The following VPS45 variants were observed in gnomAD, a reference collection of about 807,000 sequenced individuals.
VPS45 encodes vacuolar protein sorting 45 homolog, also known as vacuolar protein sorting-associated protein 45.
VPS45 carries 35 observed loss-of-function variants against 75.9 expected under a neutral mutation model. The observed-to-expected ratio is 0.46, with a 90% CI of 0.35 to 0.61. The LOEUF (loss-of-function observed/expected upper bound fraction) is 0.61, where lower values mean the gene tolerates loss of function less well. VPS45 is among the 20% of genes least tolerant of loss of function. The pLI, the probability that VPS45 is intolerant of heterozygous loss-of-function variation, is 0.00. For missense variants in VPS45, 559 were observed against 685.9 expected (o/e 0.81, Z 2.07); for synonymous variants, 220 against 238.2 (o/e 0.92, Z 0.70).
chr1:150,124,003 A>G (rs148875861), intron 14 of VPS45, among the ~76,000 whole-genome samples: 19 of 152,304 alleles, frequency 1.2e-4, no homozygotes, highest in African/African-American at 4.1e-4. Context: ...ATTCTTTGTC[A>G]TAGTACTAGA....
intron 2 of VPS45, among the ~76,000 whole-genome samples, chr1:150,069,129 T>C (rs1654885949): frequency 6.6e-6 from 1 of 152,218 alleles, no homozygotes; most frequent in Non-Finnish European, 1.5e-5. Flanking sequence ...TGCCACTTTA[T>C]TCACATTTAT....
intron 14 of VPS45, among the ~76,000 whole-genome samples, chr1:150,117,786 G>A (rs1329006190): frequency 6.6e-6 from 1 of 151,946 alleles, no homozygotes. Context: ...TTGAGTCCGG[G>A]AGGCGGAGGC....
chr1:150,122,564 C>A (rs1432457305), intron 14 of VPS45, among the ~76,000 whole-genome samples: 2 of 151,754 alleles, frequency 1.3e-5, no homozygotes, highest in African/African-American at 2.4e-5. Context: ...AGTTAGAGAG[C>A]ACTTTTGGGT....
At chr1:150,091,195 A>G (rs1656307074) in intron 10 of VPS45, among the ~76,000 whole-genome samples, 1 of 152,242 alleles carries the variant, frequency 6.6e-6, no homozygotes, top group African/African-American at 2.4e-5. Context: ...CACTGGGGAC[A>G]GGAATTGTCT....
At chr1:150,081,221 C>G in intron 7 of VPS45, 121 bp from the exon 8 acceptor site, 1 of 992,458 alleles carries the variant, frequency 1.0e-6, no homozygotes, top group Non-Finnish European at 1.4e-6. Context: ...AAATTTAACT[C>G]GAGAATCTTC....
rs74127430 is a variant in VPS45 at position 150,091,811 on chromosome 1, A to G, written c.1105-126A>G. On this transcript the variant is annotated intron_variant, in intron 10 of 14. Coordinates refer to ENST00000644510, the MANE Select transcript of VPS45 (RefSeq NM_007259.5). ...TTTCTATAGTTGAGACAGTTGCTAA[A>G]TGTATGACTTATAATTGTCATAGTA... The G allele has an allele frequency of 6.3e-3, 5,076 of 800,352 alleles. 159 individuals are homozygous for G. In the African/African-American group the frequency reaches 0.075, roughly 12 times the overall value. 49.6% of individuals were successfully genotyped at this position (800,352 alleles called of 1,614,324 possible).
chr1:150,083,392 G>A (rs587747054), intron 10 of VPS45: 1 of 152,314 alleles, frequency 6.6e-6, no homozygotes, highest in Admixed American at 6.5e-5. Context: ...CTACTGCTGT[G>A]AGGATCTGAA....
intron 14 of VPS45, among the ~76,000 whole-genome samples, chr1:150,128,685 T>G (rs1190820788): frequency 6.6e-6 from 1 of 152,134 alleles, no homozygotes; most frequent in Non-Finnish European, 1.5e-5. Context: ...AGGGGACTTC[T>G]CTTCACTACG....
At position 150,110,565 on chromosome 1, in the gene VPS45, G is replaced by A; in HGVS notation, c.1563G>A (p.Leu521=). Reference sequence around the variant, plus strand: ...AAGAGGCTCTAACAGTTTATAACCTGAACCGCACCACTCCTGGAGTGAGGA... The same window carrying A: ...AAGAGGCTCTAACAGTTTATAACCTAAACCGCACCACTCCTGGAGTGAGGA... ...TYEEALTVYN[L]NRTTPGVRIV... is the part of the protein sequence containing the mutation. Residue 521 remains leucine, a synonymous_variant, in exon 14 of 15, where the codon CTG becomes CTA. Coordinates refer to ENST00000644510, the MANE Select transcript of VPS45 (RefSeq NM_007259.5). 6.2e-7 allele frequency: 1 copy of A among 1,613,832 alleles called. No homozygotes were observed. Among genetic ancestry groups the A allele is most frequent in the Non-Finnish European group, 8.5e-7 (1 of 1,179,868 alleles).
chr1:150,145,209 TGAAAACC>T lies in VPS45; in HGVS notation c.*414_*420del. On this transcript the variant is annotated 3_prime_UTR_variant, in exon 15 of 15. Coordinates refer to ENST00000644510, the MANE Select transcript of VPS45 (RefSeq NM_007259.5). ...ACCACATTCCTGCACAACTCATTTC[TGAAAACC>T]TACCATGTTTCTTTACAGAGCCATC... is the stretch of plus-strand genomic sequence containing the variant. 3.7e-6 allele frequency: 1 copy of T among 267,578 alleles called. No individual in the cohort carries two copies. The highest frequency in any genetic ancestry group is 7.1e-6 in the Non-Finnish European group (1 of 140,968). 16.6% of individuals were successfully genotyped at this position (267,578 alleles called of 1,614,324 possible). A position where few individuals can be genotyped will look rare whatever the true frequency, so the allele number is the denominator to read the frequency against.
intron 13 of VPS45, among the ~76,000 whole-genome samples, chr1:150,096,051 T>C (rs182641036): frequency 8.5e-5 from 13 of 152,192 alleles, no homozygotes; most frequent in Non-Finnish European, 1.6e-4. Context: ...TCATATTTAA[T>C]GGCACAGATT....
chr1:150,118,654 C>A (rs1414576794), intron 14 of VPS45, among the ~76,000 whole-genome samples: 2 of 152,178 alleles, frequency 1.3e-5, no homozygotes, highest in African/African-American at 4.8e-5. Flanking sequence ...GATCCACCTG[C>A]CTTGGCCTCC....
intron 8 of VPS45, 78 bp from the exon 9 acceptor site, chr1:150,081,806 A>C: frequency 2.1e-6 from 2 of 936,688 alleles, no homozygotes; most frequent in South Asian, 3.2e-5. Flanking sequence ...CTGTGTTCCA[A>C]ATTCTTTTTC....
At position 150,089,510 on chromosome 1, in the gene VPS45, G is replaced by C. The variant is rs138449601; in HGVS notation, c.1105-2427G>C. On this transcript the variant is annotated intron_variant, in intron 10 of 14. Transcript: ENST00000644510. The stretch of plus-strand genomic sequence containing the variant: ...TGAGTAGCTGAGACTACAGGCACCC[G>C]CCACTACATCCTGCTAATTTTTTGT... Among the ~76,000 whole-genome samples, 831 of 151,966 alleles carry C rather than the reference G, an allele frequency of 5.5e-3. 4 individuals are homozygous for C. The highest frequency in any genetic ancestry group is 0.019 in the African/African-American group (789 of 41,422).
chr1:150,131,006 A>G (rs1403853662), intron 14 of VPS45, among the ~76,000 whole-genome samples: 2 of 152,194 alleles, frequency 1.3e-5, no homozygotes, highest in Non-Finnish European at 2.9e-5. Flanking sequence ...CTGGAACTCA[A>G]GCTCAGATTT....
chr1:150,108,930 C>A (rs1480691016), intron 13 of VPS45, among the ~76,000 whole-genome samples: 4 of 152,162 alleles, frequency 2.6e-5, no homozygotes, highest in Admixed American at 6.5e-5. Context: ...TGGTCCTCAG[C>A]CTGGGTTTGG....
At position 150,092,019 on chromosome 1, in the gene VPS45, A is replaced by G. The variant is rs781909688; in HGVS notation, c.1187A>G (p.Glu396Gly). Residue 396 changes from glutamate (E) to glycine (G), a missense_variant, in exon 11 of 15, where the codon GAG becomes GGG. Physicochemically the swap from Glu to Gly is moderately conservative, Grantham distance 98. Coordinates refer to ENST00000644510, the MANE Select transcript of VPS45 (RefSeq NM_007259.5). Reference protein sequence around the residue: ...RLVMLYALHYERHSSNSLPGL... With the variant: ...RLVMLYALHYGRHSSNSLPGL... Reference sequence around the variant, plus strand: ...GTGATGCTTTATGCTTTACATTATGAGCGACACAGCAGCAATAGCCTGCCA... The same window carrying G: ...GTGATGCTTTATGCTTTACATTATGGGCGACACAGCAGCAATAGCCTGCCA... 1 of 1,614,010 alleles carries G rather than the reference A, an allele frequency of 6.2e-7. No individual in the cohort carries two copies. Among genetic ancestry groups the G allele is most frequent in the Non-Finnish European group, 8.5e-7 (1 of 1,180,022 alleles).
chr1:150,127,916 A>T (rs1255349811), intron 14 of VPS45, among the ~76,000 whole-genome samples: 6 of 152,182 alleles, frequency 3.9e-5, no homozygotes, highest in African/African-American at 1.4e-4. Context: ...ATAATACAGA[A>T]CTGAGGGATC....
In VPS45 at chr1:150,092,034, A is replaced by G. The variant is rs1312598530; in HGVS notation, c.1202A>G (p.Asn401Ser). 6 of 1,614,068 alleles carry G rather than the reference A, an allele frequency of 3.7e-6. 1 individual carries two copies. Among genetic ancestry groups the G allele is most frequent in the South Asian group, 2.2e-5 (2 of 91,086 alleles). Reference sequence around the variant, plus strand: ...TTACATTATGAGCGACACAGCAGCAATAGCCTGCCAGGACTAATGATGGAC... The same window carrying G: ...TTACATTATGAGCGACACAGCAGCAGTAGCCTGCCAGGACTAATGATGGAC... ...YALHYERHSS[N>S]SLPGLMMDLR... The change falls in exon 11 of 15, where the codon AAT (asparagine) becomes AGT (serine). Residue 401 changes from asparagine (N) to serine (S), a missense_variant. Transcript: ENST00000644510.
Sources: gnomAD v4.1 joint callset for allele counts (sites outside exome capture counted in the v4.1 genomes callset) on GRCh38, gnomAD v4.1.1 for gene constraint, MANE v1.5 for transcripts, NCBI Gene and HGNC (gene_info 2026-07-23, HGNC 2026-07-21) for gene names.